Variants in PATJ observed in about 807,000 individuals in gnomAD.
PATJ encodes PATJ crumbs cell polarity complex component.
A neutral mutation model predicts 224.9 loss-of-function variants in PATJ; 190 were observed. That is an observed-to-expected ratio of 0.84 (90% CI 0.75 to 0.95). The LOEUF (loss-of-function observed/expected upper bound fraction) is 0.95. PATJ is among the 40% of genes least tolerant of loss of function. PATJ has a pLI of 0.00. For missense variants in PATJ, 2,121 were observed against 2,270.3 expected (o/e 0.93, Z 1.34); for synonymous variants, 769 against 820.3 (o/e 0.94, Z 1.07).
intron 30 of PATJ, among the ~76,000 whole-genome samples, chr1:62,039,575 G>A (rs761301726): frequency 2.0e-5 from 3 of 152,194 alleles, no homozygotes; most frequent in African/African-American, 4.8e-5. Flanking sequence ...GTGCCTTGGA[G>A]AGAATTAACG....
intron 17 of PATJ, among the ~76,000 whole-genome samples, chr1:61,848,610 C>G (rs946784071): frequency 6.6e-6 from 1 of 152,028 alleles, no homozygotes; most frequent in African/African-American, 2.4e-5. Context: ...GAGACAAAGT[C>G]TCACTGTATT....
chr1:61,980,589 C>T (rs1211120466), intron 27 of PATJ, among the ~76,000 whole-genome samples: 2 of 151,962 alleles, frequency 1.3e-5, no homozygotes, highest in East Asian at 3.8e-4. Context: ...TTTACTCCAC[C>T]TCTTTAAAAT....
chr1:61,766,225 T>C, intron 3 of PATJ, 54 bp from the exon 4 acceptor site: 1 of 1,238,622 alleles, frequency 8.1e-7, no homozygotes, highest in Non-Finnish European at 1.1e-6. Context: ...ATTTAATAAA[T>C]AGAAACAATT....
At chr1:61,828,501 C>T (rs1041556567) in intron 16 of PATJ, among the ~76,000 whole-genome samples, 5 of 151,716 alleles carry the variant, frequency 3.3e-5, no homozygotes, top group African/African-American at 9.7e-5. Context: ...GCAATCCTCC[C>T]GCCTCAGCCT....
At chr1:61,778,115 A>G (rs1004813481) in intron 7 of PATJ, among the ~76,000 whole-genome samples, 1 of 152,000 alleles carries the variant, frequency 6.6e-6, no homozygotes, top group Non-Finnish European at 1.5e-5. Context: ...CCTGAGCTCA[A>G]GTGATCCTCC....
chr1:62,057,174 C>A (rs1181693532), intron 31 of PATJ, among the ~76,000 whole-genome samples: 1 of 152,112 alleles, frequency 6.6e-6, no homozygotes, highest in Non-Finnish European at 1.5e-5. Context: ...TTGCTTCGTG[C>A]TAAGAGAGCG....
At chr1:62,118,178 T>C (rs1040306437) in intron 37 of PATJ, among the ~76,000 whole-genome samples, 20 of 150,572 alleles carry the variant, frequency 1.3e-4, no homozygotes, top group African/African-American at 4.9e-4. Flanking sequence ...AAACACCATA[T>C]TAAGTTTGAA....
chr1:62,071,517 G>T (rs1657406618), intron 31 of PATJ, among the ~76,000 whole-genome samples: 1 of 114,630 alleles, frequency 8.7e-6, no homozygotes, highest in Non-Finnish European at 1.7e-5. Flanking sequence ...TTTTGAGACA[G>T]AATCTTGCTC....
chr1:61,854,637 T>C (rs972387728), intron 17 of PATJ, among the ~76,000 whole-genome samples: 5 of 152,214 alleles, frequency 3.3e-5, no homozygotes, highest in African/African-American at 1.2e-4. Context: ...TGGGTGATAT[T>C]GGCTAGTTTC....
In PATJ at chr1:61,813,400, T is replaced by C. The variant is rs904074269; in HGVS notation, c.1683+4870T>C. ...ATATACACACACACACACACACACATACACACATATACATATTTGTACTCA... is the reference window on the plus strand; with the variant it reads ...ATATACACACACACACACACACACACACACACATATACATATTTGTACTCA... On this transcript the variant is annotated intron_variant, in intron 14 of 43. Transcript: ENST00000642238. Among the ~76,000 whole-genome samples the C allele has an allele frequency of 1.1e-3, 136 of 122,420 alleles. 3 individuals carry two copies. Among genetic ancestry groups the C allele is most frequent in the East Asian group, 8.4e-3 (32 of 3,818 alleles). 80.3% of individuals were successfully genotyped at this position (122,420 alleles called of 152,430 possible). A position where few individuals can be genotyped will look rare whatever the true frequency, so the allele number is the denominator to read the frequency against.
At chr1:61,899,004 T>C (rs914688208) in intron 22 of PATJ, among the ~76,000 whole-genome samples, 2 of 152,130 alleles carry the variant, frequency 1.3e-5, no homozygotes, top group Non-Finnish European at 2.9e-5. Flanking sequence ...AGTAGTACTA[T>C]ACTAACTTAA....
intron 31 of PATJ, among the ~76,000 whole-genome samples, chr1:62,060,024 T>C (rs1655164797): frequency 6.6e-6 from 1 of 152,202 alleles, no homozygotes; most frequent in Non-Finnish European, 1.5e-5. Flanking sequence ...CTTGTCTGTT[T>C]TTAGATGTCT....
chr1:62,080,027 C>CA (rs201375578), intron 32 of PATJ, among the ~76,000 whole-genome samples: 1,658 of 89,010 alleles, frequency 0.019, 23 homozygotes, highest in African/African-American at 0.051. Flanking sequence ...GACTCTGTCT[C>CA]AAAAAAAAAA....
In PATJ at chr1:61,797,413, C is replaced by A. The variant is rs763648285; in HGVS notation, c.1387C>A (p.Pro463Thr). Residue 463 changes from proline to threonine, a missense_variant, in exon 11 of 44, where the codon CCA becomes ACA. By Grantham distance (38) the Pro-to-Thr change is conservative (BLOSUM62 -1). Coordinates refer to ENST00000642238, the MANE Select transcript of PATJ (RefSeq NM_001350145.3). ...ATCCTCATCTACTTCTCCACTTGAA[C>A]CACCTTCAGACAGAGGTGATTAATT... is the stretch of plus-strand genomic sequence containing the variant. ...KTSSSTSPLEPPSDRGTVVEP... is the reference protein window; with the variant it reads ...KTSSSTSPLETPSDRGTVVEP... 6.2e-7 allele frequency: 1 copy of A among 1,613,434 alleles called. No homozygotes were observed. The highest frequency in any genetic ancestry group is 1.7e-5 in the Admixed American group (1 of 59,982).
Position 61,883,875 on chromosome 1 carries a change from TTTA to T in PATJ, c.2960-361_2960-359del, listed in dbSNP as rs1194768281. Among the ~76,000 whole-genome samples the T allele has an allele frequency of 5.6e-3, 840 of 149,766 alleles. 14 individuals are homozygous for T. The highest frequency in any genetic ancestry group is 0.02 in the African/African-American group (801 of 41,024). On this transcript the variant is annotated intron_variant, in intron 21 of 43. Transcript: ENST00000642238. ...TTATTCTGTGGAGGTTTTTTTTTTT[TTTA>T]AATCAGTGAAATGTCAGAGTACTTA... is the stretch of plus-strand genomic sequence containing the variant.
intron 31 of PATJ, among the ~76,000 whole-genome samples, chr1:62,054,011 A>G (rs957881171): frequency 5.3e-5 from 8 of 152,314 alleles, no homozygotes; most frequent in African/African-American, 1.9e-4. Context: ...GAAGATAGAC[A>G]GTACATCAAT....
chr1:62,155,062 C>T (rs1030596150), intron 43 of PATJ, among the ~76,000 whole-genome samples: 4 of 152,172 alleles, frequency 2.6e-5, no homozygotes, highest in African/African-American at 9.7e-5. Context: ...ACATTTAACA[C>T]CCTAAGTTCT....
At chr1:61,993,608 T>TAGG (rs1316733394) in intron 28 of PATJ, among the ~76,000 whole-genome samples, 1 of 151,902 alleles carries the variant, frequency 6.6e-6, no homozygotes, top group Non-Finnish European at 1.5e-5. Context: ...TCCAAGGGAT[T>TAGG]AGGAGCTCTG....
chr1:62,037,993 A>T lies in PATJ; in HGVS notation c.3976A>T (p.Asn1326Tyr), dbSNP rs1650759586. 6.2e-7 allele frequency: 1 copy of T among 1,605,832 alleles called. No homozygotes were observed. The highest frequency in any genetic ancestry group is 8.5e-7 in the Non-Finnish European group (1 of 1,175,364). ...LVFIRNEDAV[N>Y]QMAVTPFPVP... is the part of the protein sequence containing the mutation. Reference sequence around the variant, plus strand: ...ACTTCACAGAAACGAGGATGCAGTCAATCAGATGGCCGTTACTCCCTTTCC... The same window carrying T: ...ACTTCACAGAAACGAGGATGCAGTCTATCAGATGGCCGTTACTCCCTTTCC... Residue 1326 changes from asparagine (N) to tyrosine (Y), a missense_variant, in exon 30 of 44, where the codon AAT (asparagine) becomes TAT (tyrosine). Transcript: ENST00000642238.
Sources: gnomAD v4.1 joint callset for allele counts (sites outside exome capture counted in the v4.1 genomes callset) on GRCh38, gnomAD v4.1.1 for gene constraint, MANE v1.5 for transcripts, NCBI Gene and HGNC (gene_info 2026-07-23, HGNC 2026-07-21) for gene names.